MTBP: variants seen among roughly 807,000 people sequenced by gnomAD.
The protein encoded by MTBP is mdm2-binding protein.
A neutral mutation model predicts 117.0 loss-of-function variants in MTBP; 101 were observed. The ratio of observed to expected loss-of-function variants is 0.86; its 90% CI spans 0.73 to 1.02. The LOEUF (loss-of-function observed/expected upper bound fraction) is 1.02, where lower values mean the gene tolerates loss of function less well. MTBP is among the 50% of genes least tolerant of loss of function. The pLI is 0.00. For synonymous variants in MTBP, 350 were observed against 351.5 expected (o/e 1.00, Z 0.05); for missense variants, 970 against 1,030.9 (o/e 0.94, Z 0.81).
intron 5 of MTBP, among the ~76,000 whole-genome samples, chr8:120,454,728 G>A (rs550925836): frequency 2.0e-5 from 3 of 152,090 alleles, no homozygotes; most frequent in South Asian, 2.1e-4. Flanking sequence ...GTTGACAAAC[G>A]TATCAACTTT....
intron 9 of MTBP, among the ~76,000 whole-genome samples, 178 bp from the exon 10 acceptor site, chr8:120,463,510 TCAAA>T (rs1222670826): frequency 2.6e-5 from 4 of 152,130 alleles, no homozygotes; most frequent in East Asian, 1.9e-4. Context: ...ATTTTCAGAA[TCAAA>T]CAAATAATTG....
chr8:120,518,264 A>G (rs1268596929), intron 19 of MTBP, among the ~76,000 whole-genome samples, 164 bp downstream of exon 19: 1 of 152,058 alleles, frequency 6.6e-6, no homozygotes, highest in African/African-American at 2.4e-5. Flanking sequence ...ATATAATTGA[A>G]ACAAGATTAG....
intron 12 of MTBP, among the ~76,000 whole-genome samples, 195 bp from the exon 13 acceptor site, chr8:120,490,268 A>G (rs1160748076): frequency 6.6e-6 from 1 of 152,208 alleles, no homozygotes; most frequent in Admixed American, 6.5e-5. Context: ...AAAATGCAAA[A>G]TAATTGAGTA....
chr8:120,459,408 A>G (rs1467687875), intron 8 of MTBP, 59 bp downstream of exon 8: 6 of 1,509,388 alleles, frequency 4.0e-6, no homozygotes, highest in Non-Finnish European at 5.4e-6. Flanking sequence ...CCTATAAAAT[A>G]TGTTTGAATC....
chr8:120,462,112 A>C (rs1002118925), intron 9 of MTBP, among the ~76,000 whole-genome samples: 3 of 152,182 alleles, frequency 2.0e-5, no homozygotes, highest in African/African-American at 7.2e-5. Context: ...CAGATTAATC[A>C]GGTCCTAAAA....
At chr8:120,490,361 T>A in intron 12 of MTBP, 102 bp from the exon 13 acceptor site, 2 of 683,758 alleles carry the variant, frequency 2.9e-6, no homozygotes, top group Non-Finnish European at 5.0e-6. Flanking sequence ...TGACTTTTAT[T>A]TTTTGTTAAA....
chr8:120,509,687 C>A (rs1001878021), intron 16 of MTBP, among the ~76,000 whole-genome samples: 5 of 152,102 alleles, frequency 3.3e-5, no homozygotes, highest in Admixed American at 6.6e-5. Context: ...TTACCCATTT[C>A]TCAGAATAGT....
chr8:120,467,450 A>T (rs1813723014), intron 10 of MTBP, among the ~76,000 whole-genome samples: 1 of 152,206 alleles, frequency 6.6e-6, no homozygotes, highest in Non-Finnish European at 1.5e-5. Context: ...CCCCGCCTCT[A>T]CTAAAACAAT....
chr8:120,516,122 A>G lies in MTBP; in HGVS notation c.2177A>G (p.Glu726Gly). 1 of 1,612,866 alleles carries G rather than the reference A, an allele frequency of 6.2e-7. No homozygotes were observed. The highest frequency in any genetic ancestry group is 8.5e-7 in the Non-Finnish European group (1 of 1,179,130). The change falls in exon 18 of 22, where the codon GAA becomes GGA. Residue 726 changes from glutamate (E) to glycine (G), a missense_variant. Coordinates refer to ENST00000305949, the MANE Select transcript of MTBP (RefSeq NM_022045.5). The stretch of plus-strand genomic sequence containing the variant: ...CCTGACGGAGAAGTTTTACAAAATG[A>G]ACTTCGAACTGAAGTATCCCGATTG... ...SVPDGEVLQN[E>G]LRTEVSRLKR...
Position 120,516,095 on chromosome 8 carries a change from T to TCC in MTBP, c.2152_2153dup (p.Asp719LeufsTer17). On this transcript the variant is annotated frameshift_variant, in exon 18 of 22. Coordinates refer to ENST00000305949, the MANE Select transcript of MTBP (RefSeq NM_022045.5). LOFTEE classifies it high-confidence loss of function. ...GTAGTTTCGTCAGATCCTGGAAGTG[T>TCC]CCCTGACGGAGAAGTTTTACAAAAT... is the stretch of plus-strand genomic sequence containing the variant. 6.2e-7 allele frequency: 1 copy of TCC among 1,613,032 alleles called. No individual in the cohort carries two copies. Among genetic ancestry groups the TCC allele is most frequent in the African/African-American group, 1.3e-5 (1 of 74,996 alleles).
intron 11 of MTBP, among the ~76,000 whole-genome samples, chr8:120,482,548 T>C (rs898940257): frequency 4.6e-5 from 7 of 152,174 alleles, no homozygotes; most frequent in Non-Finnish European, 7.4e-5. Flanking sequence ...TTTTATTATA[T>C]AGTAATTGAG....
chr8:120,504,480 C>A (rs1159517286), intron 15 of MTBP, among the ~76,000 whole-genome samples: 1 of 152,028 alleles, frequency 6.6e-6, no homozygotes, highest in Non-Finnish European at 1.5e-5. Flanking sequence ...TAGATTAGTT[C>A]TGTATTTTCT....
chr8:120,511,406 A>G (rs900304701), intron 17 of MTBP, among the ~76,000 whole-genome samples: 11 of 152,112 alleles, frequency 7.2e-5, no homozygotes, highest in African/African-American at 2.7e-4. Flanking sequence ...AGTGATTCTC[A>G]TGCCTCAGCC....
chr8:120,492,564 T>C (rs189845494), intron 13 of MTBP, among the ~76,000 whole-genome samples: 109 of 152,218 alleles, frequency 7.2e-4, no homozygotes, highest in Non-Finnish European at 1.3e-3. Flanking sequence ...AAAAACAAAA[T>C]TTGTTCAAAA....
At chr8:120,473,106 A>T (rs1424371314) in intron 11 of MTBP, 1 of 152,214 alleles carries the variant, frequency 6.6e-6, no homozygotes, top group Non-Finnish European at 1.5e-5. Context: ...TATATTTTAC[A>T]TCATCTCTAG....
intron 5 of MTBP, among the ~76,000 whole-genome samples, chr8:120,455,200 T>TCAAGATAA (rs1431594765): frequency 1.3e-5 from 2 of 151,990 alleles, no homozygotes; most frequent in Non-Finnish European, 2.9e-5. Context: ...GCTAGCTATT[T>TCAAGATAA]CAAGATAACA....
At position 120,506,750 on chromosome 8, in the gene MTBP, A is replaced by G. The variant is rs769669852; in HGVS notation, c.1772A>G (p.Lys591Arg). 4.3e-6 allele frequency: 7 copies of G among 1,613,182 alleles called. No individual in the cohort carries two copies. Among genetic ancestry groups the G allele is most frequent in the Admixed American group, 3.3e-5 (2 of 59,892 alleles). The stretch of plus-strand genomic sequence containing the variant: ...TCATCTGAACAGTTGCTGGGCCACA[A>G]AGAGGGTCCTCGGGACTCAATCACA... ...PHSSEQLLGH[K>R]EGPRDSITLL... is the part of the protein sequence containing the mutation. The change falls in exon 16 of 22, where the codon AAA (lysine) becomes AGA (arginine). Residue 591 changes from lysine to arginine, a missense_variant. Coordinates refer to ENST00000305949, the MANE Select transcript of MTBP (RefSeq NM_022045.5).
chr8:120,458,766 A>G (rs1284226831), intron 7 of MTBP, among the ~76,000 whole-genome samples: 2 of 151,430 alleles, frequency 1.3e-5, no homozygotes, highest in South Asian at 2.1e-4. Flanking sequence ...ACTTGAACCC[A>G]GGAGGTGGAG....
At chr8:120,509,560 C>G (rs946172384) in intron 16 of MTBP, among the ~76,000 whole-genome samples, 5 of 152,118 alleles carry the variant, frequency 3.3e-5, no homozygotes, top group African/African-American at 1.2e-4. Context: ...TGAGATTACA[C>G]CACTACACCC....
Sources: gnomAD v4.1 joint callset for allele counts (sites outside exome capture counted in the v4.1 genomes callset) on GRCh38, gnomAD v4.1.1 for gene constraint, MANE v1.5 for transcripts, NCBI Gene and HGNC (gene_info 2026-07-23, HGNC 2026-07-21) for gene names.